Variants in PCDHGA8 observed in about 807,000 individuals in gnomAD.
PCDHGA8 encodes protocadherin gamma-A8.
A neutral mutation model predicts 59.2 loss-of-function variants in PCDHGA8; 45 were observed. The ratio of observed to expected loss-of-function variants is 0.76; its 90% CI spans 0.60 to 0.98. The LOEUF is 0.98. PCDHGA8 is among the 50% of genes least tolerant of loss of function. The pLI is 0.00. For missense variants in PCDHGA8, 1,257 were observed against 1,196.2 expected (o/e 1.05, Z -0.75); for synonymous variants, 531 against 519.0 (o/e 1.02, Z -0.32).
chr5:141,415,740 GTTTTTTTTTTTTTTTTTT>G (rs57426385), intron 1 of PCDHGA8: 9 of 625,028 alleles, frequency 1.4e-5, no homozygotes, highest in African/African-American at 5.0e-5. Flanking sequence ...GTTTATTAAG[GTTTTTTTTTTTTTTTTTT>G]TTTTTTTTTT....
At chr5:141,403,582 G>T in intron 1 of PCDHGA8, 1 of 1,613,910 alleles carries the variant, frequency 6.2e-7, no homozygotes. Context: ...CCCACCACCT[G>T]GTCCTCACGG....
At chr5:141,505,143 CAG>C (rs1332770308) in intron 2 of PCDHGA8, among the ~76,000 whole-genome samples, 1 of 152,172 alleles carries the variant, frequency 6.6e-6, no homozygotes, top group Non-Finnish European at 1.5e-5. Context: ...GCCTGGATGA[CAG>C]AGTAAGACCC....
intron 3 of PCDHGA8, 77 bp downstream of exon 3, chr5:141,505,558 C>T (rs945428797): frequency 3.7e-6 from 6 of 1,605,016 alleles, no homozygotes; most frequent in African/African-American, 1.3e-5. Context: ...ACCATGCCCA[C>T]GGACTGGATG....
chr5:141,436,309 T>C (rs1228417864), intron 1 of PCDHGA8, among the ~76,000 whole-genome samples: 1 of 152,198 alleles, frequency 6.6e-6, no homozygotes, highest in Non-Finnish European at 1.5e-5. Flanking sequence ...AGAGCATGAA[T>C]AGTCAAGACT....
intron 1 of PCDHGA8, among the ~76,000 whole-genome samples, chr5:141,492,782 C>T (rs2099743868): frequency 6.6e-6 from 1 of 152,258 alleles, no homozygotes; most frequent in Non-Finnish European, 1.5e-5. Context: ...GAGTGAGCCT[C>T]TATAGGACAG....
Position 141,393,390 on chromosome 5 carries a change from G to C in PCDHGA8, c.577G>C (p.Glu193Gln), listed in dbSNP as rs761230046. The change falls in exon 1 of 4, where the codon GAG becomes CAG. Residue 193 changes from glutamate to glutamine, a missense_variant. Physicochemically the swap from Glu to Gln is conservative, Grantham distance 29. Coordinates refer to ENST00000398604, the MANE Select transcript of PCDHGA8 (RefSeq NM_032088.2). ...TGGAGACAATGGAGCCATAAACCCA[G>C]AGCTGGTGCTGGAGCGCGCCCTGGA... Reference protein sequence around the residue: ...QTGDNGAINPELVLERALDRE... With the variant: ...QTGDNGAINPQLVLERALDRE... 24 of 1,613,882 alleles carry C rather than the reference G, an allele frequency of 1.5e-5. No homozygotes were observed. The South Asian group carries it at 2.5e-4, about 17-fold the overall frequency.
At chr5:141,426,451 C>A in intron 1 of PCDHGA8, 1 of 308,946 alleles carries the variant, frequency 3.2e-6, no homozygotes, top group South Asian at 3.0e-5. Flanking sequence ...GGACATGCGG[C>A]TGCATGTTCA....
chr5:141,510,880 G>T (rs373993657), intron 3 of PCDHGA8, 67 bp from the exon 4 acceptor site: 1 of 1,611,902 alleles, frequency 6.2e-7, no homozygotes. Context: ...AACTGCTGGG[G>T]ATATAAGACA....
At chr5:141,440,093 GA>G (rs2098151022) in intron 1 of PCDHGA8, 1 of 152,302 alleles carries the variant, frequency 6.6e-6, no homozygotes, top group Non-Finnish European at 1.5e-5. Context: ...TCTAAGTGGG[GA>G]AAGTGGAGAC....
Position 141,433,359 on chromosome 5 carries a change from CTAT to C in PCDHGA8, c.2424+38123_2424+38125del, listed in dbSNP as rs2097588942. 4 of 228,708 alleles carry C rather than the reference CTAT, an allele frequency of 1.7e-5. No homozygotes were observed. In the African/African-American group the frequency reaches 3.4e-4, roughly 19 times the overall value. The allele number at this position is 228,708 out of a possible 1,614,324, so 14.2% of individuals were successfully genotyped here. ...CAGGTGCAAGCCACCTACTGTCTGC[CTAT>C]CTATCTATCTATCTATCTATCTATC... On this transcript the variant is annotated intron_variant, in intron 1 of 3. Coordinates refer to ENST00000398604, the MANE Select transcript of PCDHGA8 (RefSeq NM_032088.2).
intron 1 of PCDHGA8, among the ~76,000 whole-genome samples, chr5:141,464,132 G>A (rs1432411937): frequency 6.6e-6 from 1 of 152,076 alleles, no homozygotes; most frequent in Non-Finnish European, 1.5e-5. Flanking sequence ...GGGTGTGGTG[G>A]TGGGCGCCTG....
chr5:141,466,037 G>T (rs1204301031), intron 1 of PCDHGA8, among the ~76,000 whole-genome samples: 1 of 152,056 alleles, frequency 6.6e-6, no homozygotes, highest in African/African-American at 2.4e-5. Flanking sequence ...CAGGAGAACG[G>T]CATGAACCCA....
chr5:141,469,992 G>T (rs894673835), intron 1 of PCDHGA8, among the ~76,000 whole-genome samples: 2 of 152,056 alleles, frequency 1.3e-5, no homozygotes, highest in Non-Finnish European at 2.9e-5. Context: ...TTAGCTGGTC[G>T]TCGTGGCACG....
intron 1 of PCDHGA8, chr5:141,419,575 C>T (rs2096401495): frequency 6.2e-7 from 1 of 1,611,782 alleles, no homozygotes. Context: ...CCGACGGCTC[C>T]GCGCTCTTCG....
intron 1 of PCDHGA8, among the ~76,000 whole-genome samples, chr5:141,436,896 A>C (rs567359498): frequency 6.6e-6 from 1 of 152,368 alleles, no homozygotes; most frequent in East Asian, 1.9e-4. Context: ...AAAGATTTTT[A>C]TATGAGACAA....
intron 2 of PCDHGA8, among the ~76,000 whole-genome samples, chr5:141,499,868 A>G (rs2099794957): frequency 6.6e-6 from 1 of 152,024 alleles, no homozygotes; most frequent in Non-Finnish European, 1.5e-5. Context: ...TTGTATTTTC[A>G]GTACAAACAG....
In PCDHGA8 at chr5:141,505,352, C is replaced by T. The variant is rs371829394; in HGVS notation, c.2484-41C>T. 1.5e-5 allele frequency: 25 copies of T among 1,613,302 alleles called. No individual in the cohort carries two copies. In the South Asian group the frequency reaches 2.7e-4, roughly 18 times the overall value. ...AGGACAGGAGGGGCATGAGCTGTGCCGGCCTGGGAGTCTGTGCTCACCATC... is the reference window on the plus strand; with the variant it reads ...AGGACAGGAGGGGCATGAGCTGTGCTGGCCTGGGAGTCTGTGCTCACCATC... On this transcript the variant is annotated intron_variant, in intron 2 of 3. Transcript: ENST00000398604.
chr5:141,423,447 T>C (rs1347619382), intron 1 of PCDHGA8: 1 of 1,613,880 alleles, frequency 6.2e-7, no homozygotes, highest in Admixed American at 1.7e-5. Context: ...CCACGTCACA[T>C]TTTGTAGGCG....
Position 141,511,451 on chromosome 5 carries a change from A to G in PCDHGA8, c.*278A>G, listed in dbSNP as rs2099883797. On this transcript the variant is annotated 3_prime_UTR_variant, in exon 4 of 4. Coordinates refer to ENST00000398604, the MANE Select transcript of PCDHGA8 (RefSeq NM_032088.2). ...GGGGTTACTGTAGACACCAAGAACC[A>G]TTTGCCACACCCCGTTTAGTTACAG... is the stretch of plus-strand genomic sequence containing the variant. The G allele has an allele frequency of 4.9e-6, 3 of 606,372 alleles. No homozygotes were observed. Among genetic ancestry groups the G allele is most frequent in the Non-Finnish European group, 8.1e-6 (3 of 368,942 alleles). The allele number at this position is 606,372 out of a possible 1,614,324, so 37.6% of individuals were successfully genotyped here.
Sources: gnomAD v4.1 joint callset for allele counts (sites outside exome capture counted in the v4.1 genomes callset) on GRCh38, gnomAD v4.1.1 for gene constraint, MANE v1.5 for transcripts, NCBI Gene and HGNC (gene_info 2026-07-23, HGNC 2026-07-21) for gene names.